The following VPS54 variants were observed in gnomAD, a reference collection of about 807,000 sequenced individuals.
VPS54 encodes VPS54 subunit of GARP complex.
A neutral mutation model predicts 121.5 loss-of-function variants in VPS54; 45 were observed. That is an observed-to-expected ratio of 0.37 (90% CI 0.29 to 0.47). The LOEUF (loss-of-function observed/expected upper bound fraction) is 0.47, where lower values mean the gene tolerates loss of function less well. VPS54 is among the 20% of genes least tolerant of loss of function. The pLI is 0.99. For missense variants in VPS54, 1,090 were observed against 1,131.4 expected, an observed-to-expected ratio of 0.96 and a Z score of 0.52; for synonymous variants, 371 against 385.8, an observed-to-expected ratio of 0.96 and a Z score of 0.45.
chr2:63,951,232 A>G (rs1174149689), intron 7 of VPS54, among the ~76,000 whole-genome samples: 1 of 130,602 alleles, frequency 7.7e-6, no homozygotes, highest in Non-Finnish European at 1.6e-5. Flanking sequence ...TTTTACAGTC[A>G]TGGGCAACCA....
chr2:63,993,678 A>G (rs911244128), intron 1 of VPS54, among the ~76,000 whole-genome samples: 3 of 152,234 alleles, frequency 2.0e-5, no homozygotes, highest in Non-Finnish European at 4.4e-5. Context: ...ATACTGTGGC[A>G]AATTCACTTG....
At position 63,957,369 on chromosome 2, in the gene VPS54, G is replaced by T. The variant is rs189905896; in HGVS notation, c.1010+4689C>A. ...AGGCAGAAGAATGGCGTGAATCCGG[G>T]AGGCGGAGCTTGCAGTGAGCCAAGA... On this transcript the variant is annotated intron_variant, in intron 7 of 22. Coordinates refer to ENST00000272322, the MANE Select transcript of VPS54 (RefSeq NM_016516.3). 7.3e-3 allele frequency among the ~76,000 whole-genome samples: 1,104 copies of T among 150,744 alleles called. 26 individuals carry two copies. The East Asian group carries it at 0.088, about 12-fold the overall frequency.
In VPS54 at chr2:63,933,798, T is replaced by C. The variant is rs1295484295; in HGVS notation, c.1614A>G (p.Arg538=). The change falls in exon 12 of 23, where the codon AGA becomes AGG. Residue 538 remains arginine, a synonymous_variant. Transcript: ENST00000272322. ...TPIAVDTTSQ[R]NASPNSEPCS... Reference sequence around the variant, plus strand: ...AGGGCTCACTATTTGGAGATGCATTTCTTTGAGAGGTAGTGTCAACTGCTA... The same window carrying C: ...AGGGCTCACTATTTGGAGATGCATTCCTTTGAGAGGTAGTGTCAACTGCTA... 1 of 1,613,908 alleles carries C rather than the reference T, an allele frequency of 6.2e-7. No homozygotes were observed. Among genetic ancestry groups the C allele is most frequent in the African/African-American group, 1.3e-5 (1 of 75,038 alleles).
intron 20 of VPS54, among the ~76,000 whole-genome samples, chr2:63,907,516 C>A: frequency 7.9e-6 from 1 of 126,500 alleles, no homozygotes; most frequent in African/African-American, 2.9e-5. Context: ...GAAACTCCAT[C>A]TCAAAAAAAA....
At chr2:64,003,489 C>T (rs1450902389) in intron 1 of VPS54, among the ~76,000 whole-genome samples, 2 of 152,130 alleles carry the variant, frequency 1.3e-5, no homozygotes, top group East Asian at 3.9e-4. Flanking sequence ...ACAGTTCTTC[C>T]CTATCAGGCT....
chr2:63,912,120 C>T lies in VPS54; in HGVS notation c.2625+225G>A, dbSNP rs561903512. 2.0e-5 allele frequency among the ~76,000 whole-genome samples: 3 copies of T among 152,186 alleles called. No homozygotes were observed. The East Asian group carries it at 5.8e-4, about 29-fold the overall frequency. ...AAATTTTGTTGAGTTGTTTTCTAAA[C>T]CCTGAATAATTTGTTAGATAACTGC... On this transcript the variant is annotated intron_variant, in intron 20 of 22. Transcript: ENST00000272322.
Position 63,949,087 on chromosome 2 carries a change from G to A in VPS54, c.1087C>T (p.His363Tyr), listed in dbSNP as rs1303393277. The A allele has an allele frequency of 6.2e-7, 1 of 1,611,668 alleles. No homozygotes were observed. The highest frequency in any genetic ancestry group is 8.5e-7 in the Non-Finnish European group (1 of 1,179,082). Residue 363 changes from histidine (H) to tyrosine (Y), a missense_variant, in exon 8 of 23, where the codon CAC becomes TAC. His to Tyr is a moderately conservative substitution (Grantham distance 83). Coordinates refer to ENST00000272322, the MANE Select transcript of VPS54 (RefSeq NM_016516.3). ...TCCAGTGGTCTATTTAAGTCACTGT[G>A]AGAATAAGTAGAAAATTCTGCAATC... Reference protein sequence around the residue: ...MMIAEFSTYSHSDLNRPLEDD... With the variant: ...MMIAEFSTYSYSDLNRPLEDD...
At chr2:63,999,008 A>G (rs1358567671) in intron 1 of VPS54, among the ~76,000 whole-genome samples, 2 of 152,006 alleles carry the variant, frequency 1.3e-5, no homozygotes, top group Non-Finnish European at 2.9e-5. Flanking sequence ...GTGCGGTGGC[A>G]CCATCTTGGC....
rs141637599 is a variant in VPS54, at chr2:63,952,786, C to G, written c.1011-3623G>C. Among the ~76,000 whole-genome samples, 139 of 152,260 alleles carry G rather than the reference C, an allele frequency of 9.1e-4. 2 individuals are homozygous for G. The highest frequency in any genetic ancestry group is 3.2e-3 in the African/African-American group (131 of 41,564). ...ACCAGTACAAACTAAAACATTGTCACAAGAGGAATTTGGCAGTATCTAGCA... is the reference window on the plus strand; with the variant it reads ...ACCAGTACAAACTAAAACATTGTCAGAAGAGGAATTTGGCAGTATCTAGCA... On this transcript the variant is annotated intron_variant, in intron 7 of 22. Coordinates refer to ENST00000272322, the MANE Select transcript of VPS54 (RefSeq NM_016516.3).
At chr2:63,995,711 G>A (rs564410705) in intron 1 of VPS54, among the ~76,000 whole-genome samples, 23 of 152,154 alleles carry the variant, frequency 1.5e-4, no homozygotes, top group Non-Finnish European at 2.4e-4. Flanking sequence ...AGTGAGTCTC[G>A]AACATCACAT....
At chr2:63,909,420 T>C (rs1469852855) in intron 20 of VPS54, among the ~76,000 whole-genome samples, 1 of 133,434 alleles carries the variant, frequency 7.5e-6, no homozygotes, top group African/African-American at 2.8e-5. Flanking sequence ...TGCCTTTTTT[T>C]TTTTTTTTTT....
At position 64,019,054 on chromosome 2, in the gene VPS54, G is replaced by GGCCCGAGCCCGGGTTCCCGCCCCC. The variant is rs1553488196; in HGVS notation, c.-161_-138dup. On this transcript the variant is annotated 5_prime_UTR_variant, in exon 1 of 23. Coordinates refer to ENST00000272322, the MANE Select transcript of VPS54 (RefSeq NM_016516.3). ...GCCGCCGCCGCCCGGCGCCCGGCCG[G>GGCCCGAGCCCGGGTTCCCGCCCCC]GCCCGAGCCCGGGTTCCCGCCCCCG... The GGCCCGAGCCCGGGTTCCCGCCCCC allele has an allele frequency of 5.7e-4, 85 of 149,822 alleles. No individual in the cohort carries two copies. Among genetic ancestry groups the GGCCCGAGCCCGGGTTCCCGCCCCC allele is most frequent in the African/African-American group, 1.9e-3 (78 of 40,770 alleles). 9.3% of individuals were successfully genotyped at this position (149,822 alleles called of 1,614,324 possible). A position where few individuals can be genotyped will look rare whatever the true frequency, so the allele number is the denominator to read the frequency against.
intron 12 of VPS54, among the ~76,000 whole-genome samples, chr2:63,923,424 T>C (rs989482300): frequency 1.8e-4 from 27 of 152,174 alleles, no homozygotes; most frequent in Non-Finnish European, 1.0e-4. Context: ...TCTGGGTATA[T>C]ATCCAAAATA....
At chr2:63,903,920 T>A (rs1310513704) in intron 20 of VPS54, among the ~76,000 whole-genome samples, 1 of 151,950 alleles carries the variant, frequency 6.6e-6, no homozygotes, top group Non-Finnish European at 1.5e-5. Flanking sequence ...ACAATTTAAA[T>A]GGTTTAATAG....
In VPS54 at chr2:63,962,102, T is replaced by A; in HGVS notation, c.966A>T (p.Thr322=). 6.3e-7 allele frequency: 1 copy of A among 1,599,128 alleles called. No homozygotes were observed. Among genetic ancestry groups the A allele is most frequent in the Non-Finnish European group, 8.6e-7 (1 of 1,167,450 alleles). ...GAAGTTCCTGCTGTAGAACCTCTTG[T>A]GTTGTTGCTATTAAGTCCAATGCTC... The part of the protein sequence containing the change: ...FVGALDLIAT[T]QEVLQQELQG... Residue 322 remains threonine (T), a synonymous_variant, in exon 7 of 23, where the codon ACA becomes ACT. Transcript: ENST00000272322.
At chr2:63,915,750 A>G (rs777795287) in intron 16 of VPS54, among the ~76,000 whole-genome samples, 25 of 152,194 alleles carry the variant, frequency 1.6e-4, no homozygotes, top group Admixed American at 1.4e-3. Flanking sequence ...CAGAAGAGAA[A>G]AGAATGGAGG....
At chr2:63,944,854 G>A (rs1280164080) in intron 9 of VPS54, among the ~76,000 whole-genome samples, 199 bp from the exon 10 acceptor site, 3 of 152,112 alleles carry the variant, frequency 2.0e-5, no homozygotes, top group African/African-American at 4.8e-5. Context: ...TCTCACACAA[G>A]TAAGAATGGC....
At chr2:63,895,321 G>A (rs543715949) in intron 22 of VPS54, among the ~76,000 whole-genome samples, 4 of 152,194 alleles carry the variant, frequency 2.6e-5, no homozygotes, top group Non-Finnish European at 5.9e-5. Context: ...AGGCGTGGTG[G>A]CACGTGCCTG....
intron 4 of VPS54, among the ~76,000 whole-genome samples, chr2:63,971,670 A>C (rs537190545): frequency 1.3e-5 from 2 of 152,364 alleles, no homozygotes; most frequent in South Asian, 4.1e-4. Context: ...ATGTTATAAA[A>C]CATTACCACA....
Sources: allele counts gnomAD v4.1 joint callset (sites outside exome capture counted in the v4.1 genomes callset), GRCh38; gene constraint gnomAD v4.1.1; transcripts MANE v1.5; gene names NCBI Gene and HGNC (gene_info 2026-07-23, HGNC 2026-07-21).